The following AAK1 variants were observed in gnomAD, a reference collection of about 807,000 sequenced individuals.
AAK1 encodes the protein AP2-associated protein kinase 1.
In AAK1, 37 loss-of-function variants were observed where a neutral mutation model predicts 116.0. The observed-to-expected ratio is 0.32, with a 90% CI of 0.25 to 0.42. AAK1 has a LOEUF of 0.42. AAK1 is among the 10% of genes least tolerant of loss of function. AAK1 has a pLI of 1.00. For synonymous variants in AAK1, 458 were observed against 439.9 expected, an observed-to-expected ratio of 1.04 and a Z score of -0.51; for missense variants, 919 against 1,170.6, an observed-to-expected ratio of 0.79 and a Z score of 3.14.
intron 20 of AAK1, 42 bp downstream of exon 20, chr2:69,478,909 C>G (rs1443122996): frequency 6.7e-7 from 1 of 1,491,800 alleles, no homozygotes; most frequent in African/African-American, 1.4e-5. Context: ...GTTCTTTCCC[C>G]TCTAAGGACA....
rs923050418 is a variant in AAK1, at chr2:69,643,286, G to A, written c.-234-12C>T. 1.2e-5 allele frequency: 16 copies of A among 1,373,974 alleles called. No homozygotes were observed. The Admixed American group carries it at 2.4e-4, about 21-fold the overall frequency. The allele number at this position is 1,373,974 out of a possible 1,614,324, so 85.1% of individuals were successfully genotyped here. On this transcript the variant is annotated splice_polypyrimidine_tract_variant and intron_variant, in intron 1 of 21. Transcript: ENST00000409085. ...GTGTAAGTTTAAACCTGTGATGACAGAGGAAGAAAGAGAGGATGAATCAGT... is the reference window on the plus strand; with the variant it reads ...GTGTAAGTTTAAACCTGTGATGACAAAGGAAGAAAGAGAGGATGAATCAGT...
chr2:69,637,355 A>G (rs984283296), intron 2 of AAK1, among the ~76,000 whole-genome samples: 1 of 152,104 alleles, frequency 6.6e-6, no homozygotes, highest in Non-Finnish European at 1.5e-5. Flanking sequence ...CTGAAATCCT[A>G]TGACTGTGAG....
intron 2 of AAK1, among the ~76,000 whole-genome samples, chr2:69,591,326 T>C (rs1673015519): frequency 6.6e-6 from 1 of 152,060 alleles, no homozygotes; most frequent in Non-Finnish European, 1.5e-5. Context: ...CCAACACCAC[T>C]GTGACCGTAC....
At chr2:69,612,451 T>C (rs2105219854) in intron 2 of AAK1, among the ~76,000 whole-genome samples, 1 of 152,358 alleles carries the variant, frequency 6.6e-6, no homozygotes, top group Middle Eastern at 3.4e-3. Context: ...AGGCACTTGC[T>C]ACATAAGCAC....
At chr2:69,602,309 T>A (rs1477461017) in intron 2 of AAK1, among the ~76,000 whole-genome samples, 1 of 152,072 alleles carries the variant, frequency 6.6e-6, no homozygotes, top group Non-Finnish European at 1.5e-5. Flanking sequence ...ATAAACAGAT[T>A]AGATAACAGT....
chr2:69,575,531 G>A (rs892464230), intron 2 of AAK1, among the ~76,000 whole-genome samples: 3 of 147,344 alleles, frequency 2.0e-5, no homozygotes, highest in Non-Finnish European at 4.4e-5. Context: ...GTGCAATGGC[G>A]CAATCTCGGC....
intron 17 of AAK1, among the ~76,000 whole-genome samples, chr2:69,485,815 C>T (rs1354786668): frequency 2.6e-5 from 4 of 152,072 alleles, no homozygotes; most frequent in Non-Finnish European, 5.9e-5. Context: ...TGCGCCACCA[C>T]ACTCGGCTAA....
chr2:69,469,935 G>C lies in AAK1; in HGVS notation c.*5934C>G. ...TCACATGCTTCAGGGAAGAGAAGGA[G>C]TTCCTAAAATACCTGACAACTTGGC... On this transcript the variant is annotated 3_prime_UTR_variant, in exon 22 of 22. Transcript: ENST00000409085. 1 of 985,418 alleles carries C rather than the reference G, an allele frequency of 1.0e-6. No individual in the cohort carries two copies. Among genetic ancestry groups the C allele is most frequent in the Non-Finnish European group, 1.2e-6 (1 of 829,938 alleles). 61.0% of individuals were successfully genotyped at this position (985,418 alleles called of 1,614,324 possible).
chr2:69,527,925 A>G (rs1400814378), intron 8 of AAK1, among the ~76,000 whole-genome samples: 2 of 152,234 alleles, frequency 1.3e-5, no homozygotes, highest in African/African-American at 4.8e-5. Context: ...GACCACAAAC[A>G]TACACATACA....
chr2:69,525,072 G>C lies in AAK1; in HGVS notation c.1016C>G (p.Ala339Gly), dbSNP rs559248019. ...IPAKLPEPVK[A>G]SEAAAKKTQP... ...GGTCTTTTTTGCAGCTGCCTCACTG[G>C]CTTTCACTGGTTCAGGAAGCTTTGC... is the stretch of plus-strand genomic sequence containing the variant. Residue 339 changes from alanine (A) to glycine (G), a missense_variant, in exon 10 of 22, where the codon GCC becomes GGC. Physicochemically the swap from Ala to Gly is moderately conservative, Grantham distance 60. Around this residue, in one of 4 missense-constraint regions of AAK1, gnomAD observed 317 missense variants for 490.4 expected, o/e 0.65. Coordinates refer to ENST00000409085, the MANE Select transcript of AAK1 (RefSeq NM_014911.5). 1 of 1,613,948 alleles carries C rather than the reference G, an allele frequency of 6.2e-7. No homozygotes were observed. Among genetic ancestry groups the C allele is most frequent in the Admixed American group, 1.7e-5 (1 of 60,016 alleles).
chr2:69,469,573 T>C lies in AAK1; in HGVS notation c.*6296A>G. 1 of 985,434 alleles carries C rather than the reference T, an allele frequency of 1.0e-6. No individual in the cohort carries two copies. The highest frequency in any genetic ancestry group is 1.2e-6 in the Non-Finnish European group (1 of 829,924). 61.0% of individuals were successfully genotyped at this position (985,434 alleles called of 1,614,324 possible). ...TTGACCCAGTTCCTTTGGTAACCAA[T>C]GGCACGTCATAGCAGATACCCTGTG... On this transcript the variant is annotated 3_prime_UTR_variant, in exon 22 of 22. Transcript: ENST00000409085.
chr2:69,514,741 T>C lies in AAK1; in HGVS notation c.1506A>G (p.Ala502=). ...CTGGTTTCTGGGTTGCTGGATGTACTGCCTGAAACTGAGCAAGAAATGAGG... is the reference window on the plus strand; with the variant it reads ...CTGGTTTCTGGGTTGCTGGATGTACCGCCTGAAACTGAGCAAGAAATGAGG... The part of the protein sequence containing the change: ...QQQAQTQQFQ[A]VHPATQKPAI... The change falls in exon 13 of 22, where the codon GCA becomes GCG. Residue 502 remains alanine (A), a synonymous_variant. Coordinates refer to ENST00000409085, the MANE Select transcript of AAK1 (RefSeq NM_014911.5). The C allele has an allele frequency of 6.3e-7, 1 of 1,587,024 alleles. No homozygotes were observed. Among genetic ancestry groups the C allele is most frequent in the South Asian group, 1.2e-5 (1 of 86,922 alleles).
rs1298545602 is a variant in AAK1, at chr2:69,474,344, G to C, written c.*1525C>G. The C allele has an allele frequency of 1.0e-6, 1 of 985,630 alleles. No homozygotes were observed. The highest frequency in any genetic ancestry group is 1.1e-4 in the East Asian group (1 of 8,822). The allele number at this position is 985,630 out of a possible 1,614,324, so 61.1% of individuals were successfully genotyped here. On this transcript the variant is annotated 3_prime_UTR_variant, in exon 22 of 22. Coordinates refer to ENST00000409085, the MANE Select transcript of AAK1 (RefSeq NM_014911.5). ...GCACTAGAGGAAAAGAACAGGAGTG[G>C]GGTTCTCTGTGCCCACTTCTTTTCA...
intron 2 of AAK1, among the ~76,000 whole-genome samples, chr2:69,634,987 A>G (rs1675384701): frequency 1.3e-5 from 2 of 152,164 alleles, no homozygotes; most frequent in Admixed American, 1.3e-4. Flanking sequence ...ATTTTTATTT[A>G]TTTTCATTTT....
At chr2:69,521,413 A>G (rs1669773390) in intron 10 of AAK1, among the ~76,000 whole-genome samples, 2 of 152,256 alleles carry the variant, frequency 1.3e-5, no homozygotes, top group East Asian at 1.9e-4. Context: ...AGATGCGAAG[A>G]GGATTCAAAC....
chr2:69,470,655 C>T lies in AAK1; in HGVS notation c.*5214G>A, dbSNP rs73934958. 0.011 allele frequency: 11,200 copies of T among 985,314 alleles called. 988 individuals carry two copies. In the African/African-American group the frequency reaches 0.18, roughly 16 times the overall value. 61.0% of individuals were successfully genotyped at this position (985,314 alleles called of 1,614,324 possible). A position where few individuals can be genotyped will look rare whatever the true frequency, so the allele number is the denominator to read the frequency against. Reference sequence around the variant, plus strand: ...TTAGAGGAGGGAAGCTGCAAACCTGCGCTCCATTTTACAACCCTGAGTCTG... The same window carrying T: ...TTAGAGGAGGGAAGCTGCAAACCTGTGCTCCATTTTACAACCCTGAGTCTG... On this transcript the variant is annotated 3_prime_UTR_variant, in exon 22 of 22. Transcript: ENST00000409085.
intron 18 of AAK1, 78 bp downstream of exon 18, chr2:69,482,633 G>C: frequency 8.5e-7 from 1 of 1,181,174 alleles, no homozygotes; most frequent in Non-Finnish European, 1.2e-6. Flanking sequence ...CCCAGGGATT[G>C]GTTAACTAGG....
At chr2:69,480,400 G>A (rs1393710248) in intron 19 of AAK1, among the ~76,000 whole-genome samples, 2 of 152,022 alleles carry the variant, frequency 1.3e-5, no homozygotes, top group Non-Finnish European at 2.9e-5. Flanking sequence ...CAATTTTACA[G>A]CAAATTACCT....
chr2:69,467,616 A>T lies in AAK1; in HGVS notation c.*8253T>A. 1.0e-6 allele frequency: 1 copy of T among 985,410 alleles called. No individual in the cohort carries two copies. The highest frequency in any genetic ancestry group is 4.7e-5 in the South Asian group (1 of 21,290). The allele number at this position is 985,410 out of a possible 1,614,324, so 61.0% of individuals were successfully genotyped here. A position where few individuals can be genotyped will look rare whatever the true frequency, so the allele number is the denominator to read the frequency against. ...CAGGATAAGAATATTAGATACAATG[A>T]TTTGGAGCCATAGATGACCCAGAAC... On this transcript the variant is annotated 3_prime_UTR_variant, in exon 22 of 22. Coordinates refer to ENST00000409085, the MANE Select transcript of AAK1 (RefSeq NM_014911.5).
Sources: gnomAD v4.1 joint callset for allele counts (sites outside exome capture counted in the v4.1 genomes callset) on GRCh38, gnomAD v4.1.1 for gene constraint, gnomAD v4.1.1 regional missense constraint, MANE v1.5 for transcripts, NCBI Gene and HGNC (gene_info 2026-07-23, HGNC 2026-07-21) for gene names.